Variants in FAM53C observed in about 807,000 individuals in gnomAD.
FAM53C encodes the protein family with sequence similarity 53 member C, also known as protein FAM53C.
In FAM53C, 10 loss-of-function variants were observed where a neutral mutation model predicts 34.7. The observed-to-expected ratio is 0.29, with a 90% CI of 0.18 to 0.49. The LOEUF (loss-of-function observed/expected upper bound fraction) is 0.49. Ranked by LOEUF, FAM53C falls within the 20% of genes least tolerant of loss-of-function variation. FAM53C has a pLI of 0.99. For synonymous variants in FAM53C, 203 were observed against 203.6 expected (o/e 1.00, Z 0.03); for missense variants, 442 against 515.3 (o/e 0.86, Z 1.38).
intron 1 of FAM53C, 94 bp downstream of exon 1, chr5:138,338,401 G>T (rs888423233): frequency 1.4e-5 from 5 of 350,986 alleles, no homozygotes; most frequent in African/African-American, 2.3e-5. Flanking sequence ...CAGCCCGACC[G>T]CCCGCGCGGC....
In FAM53C at chr5:138,345,074, G is replaced by T. The variant is rs151178605; in HGVS notation, c.386G>T (p.Arg129Leu). Residue 129 changes from arginine (R) to leucine (L), a missense_variant, in exon 4 of 5, where the codon CGC becomes CTC. By Grantham distance (102) the Arg-to-Leu change is moderately radical. Coordinates refer to ENST00000239906, the MANE Select transcript of FAM53C (RefSeq NM_016605.3). The surrounding 1 kb of genome is among the most constrained non-coding windows in gnomAD (Gnocchi z 6.3). ...RSLSVPVDLS[R>L]WQPVWRPAPS... ...CTCTCAGTGCCCGTGGACCTGTCTC[G>T]CTGGCAGCCGGTGTGGCGGCCCGCC... is the stretch of plus-strand genomic sequence containing the variant. 6.9e-5 allele frequency: 112 copies of T among 1,613,954 alleles called. No individual in the cohort carries two copies. Among genetic ancestry groups the T allele is most frequent in the African/African-American group, 5.7e-4 (43 of 75,038 alleles).
chr5:138,337,965 A>G (rs1281591799), upstream of FAM53C: 5 of 1,289,494 alleles, frequency 3.9e-6, no homozygotes, highest in Non-Finnish European at 5.1e-6. Context: ...CCTTCTTCCG[A>G]CATGGCCTCC....
chr5:138,337,982 G>A, upstream of FAM53C: 3 of 1,289,754 alleles, frequency 2.3e-6, no homozygotes, highest in Non-Finnish European at 3.0e-6. Flanking sequence ...CTCCCCCGCG[G>A]GTTTCAAGAT....
rs200104466 is a variant in FAM53C, at chr5:138,345,073, C to T, written c.385C>T (p.Arg129Cys). Reference protein sequence around the residue: ...RSLSVPVDLSRWQPVWRPAPS... With the variant: ...RSLSVPVDLSCWQPVWRPAPS... ...ACTCTCAGTGCCCGTGGACCTGTCTCGCTGGCAGCCGGTGTGGCGGCCCGC... is the reference window on the plus strand; with the variant it reads ...ACTCTCAGTGCCCGTGGACCTGTCTTGCTGGCAGCCGGTGTGGCGGCCCGC... Residue 129 changes from arginine (R) to cysteine (C), a missense_variant, in exon 4 of 5, where the codon CGC becomes TGC. Arg to Cys is a radical substitution (Grantham distance 180, BLOSUM62 -3). Coordinates refer to ENST00000239906, the MANE Select transcript of FAM53C (RefSeq NM_016605.3). This position sits in a 1 kb window ranked among gnomAD's most constrained non-coding sequence, Gnocchi z 6.3. 117 of 1,613,878 alleles carry T rather than the reference C, an allele frequency of 7.2e-5. No individual in the cohort carries two copies. Among genetic ancestry groups the T allele is most frequent in the Middle Eastern group, 3.3e-4 (2 of 6,084 alleles).
In FAM53C at chr5:138,347,193, A is replaced by T; in HGVS notation, c.*234A>T. ...GACAGCCCCAGAGCAGACCCTTCCT[A>T]TGGCGGCCCTGAGTGTGAGTATCCC... On this transcript the variant is annotated 3_prime_UTR_variant, in exon 5 of 5. Transcript: ENST00000239906. 1 of 577,374 alleles carries T rather than the reference A, an allele frequency of 1.7e-6. No homozygotes were observed. The highest frequency in any genetic ancestry group is 2.1e-5 in the South Asian group (1 of 48,454). 35.8% of individuals were successfully genotyped at this position (577,374 alleles called of 1,614,324 possible). A position where few individuals can be genotyped will look rare whatever the true frequency, so the allele number is the denominator to read the frequency against.
chr5:138,342,419 A>G (rs1426880840), intron 3 of FAM53C: 1 of 151,908 alleles, frequency 6.6e-6, no homozygotes, highest in Non-Finnish European at 1.5e-5. Flanking sequence ...ACTATATATT[A>G]TTTTGTACCT....
At chr5:138,337,794 G>T, upstream of FAM53C, 1 of 417,932 alleles carries the variant, frequency 2.4e-6, no homozygotes, top group Non-Finnish European at 4.2e-6. Context: ...CGGGTCCTTT[G>T]CTGGGGGAAG....
intron 2 of FAM53C, 87 bp from the exon 3 acceptor site, chr5:138,341,722 A>G: frequency 2.5e-6 from 3 of 1,187,342 alleles, no homozygotes; most frequent in Non-Finnish European, 3.8e-6. Flanking sequence ...TAGCTCATGA[A>G]TCGCAGAGGA....
chr5:138,341,554 C>G, intron 2 of FAM53C, 141 bp downstream of exon 2: 2 of 878,188 alleles, frequency 2.3e-6, no homozygotes, highest in Non-Finnish European at 3.7e-6. Context: ...GCTCAAAACC[C>G]AGCCCAAAAG....
Position 138,347,197 on chromosome 5 carries a change from C to T in FAM53C, c.*238C>T, listed in dbSNP as rs982812730. On this transcript the variant is annotated 3_prime_UTR_variant, in exon 5 of 5. Transcript: ENST00000239906. ...GCCCCAGAGCAGACCCTTCCTATGG[C>T]GGCCCTGAGTGTGAGTATCCCTGCC... 26 of 564,358 alleles carry T rather than the reference C, an allele frequency of 4.6e-5. No homozygotes were observed. The highest frequency in any genetic ancestry group is 4.0e-4 in the South Asian group (19 of 47,714). 35.0% of individuals were successfully genotyped at this position (564,358 alleles called of 1,614,324 possible). A position where few individuals can be genotyped will look rare whatever the true frequency, so the allele number is the denominator to read the frequency against.
At chr5:138,341,888 T>C (rs1385653953) in intron 3 of FAM53C, 22 bp downstream of exon 3, 1 of 1,609,304 alleles carries the variant, frequency 6.2e-7, no homozygotes, top group Non-Finnish European at 8.5e-7. Flanking sequence ...TGTGTGTTTG[T>C]GTACGTGTGT....
chr5:138,344,997 A>T lies in FAM53C; in HGVS notation c.309A>T (p.Pro103=), dbSNP rs756202945. The change falls in exon 4 of 5, where the codon CCA becomes CCT. Residue 103 remains proline, a synonymous_variant. Transcript: ENST00000239906. ...TCCTAAGACCTGAGCCCCCAGATCC[A>T]GAGAAGCTTCCTGTGCCCCCTGCCC... ...SQVLRPEPPD[P]EKLPVPPAPP... 5 of 1,613,734 alleles carry T rather than the reference A, an allele frequency of 3.1e-6. No individual in the cohort carries two copies. The highest frequency in any genetic ancestry group is 4.2e-6 in the Non-Finnish European group (5 of 1,179,816).
In FAM53C at chr5:138,345,444, C is replaced by T. The variant is rs146258068; in HGVS notation, c.756C>T (p.Pro252=). ...SRFLPSARSS[P]ASSPELPWRP... ...TCTTGCCCTCTGCCCGGAGCTCTCC[C>T]GCATCCTCCCCAGAGCTGCCCTGGC... Residue 252 remains proline, a synonymous_variant, in exon 4 of 5, where the codon CCC becomes CCT. Coordinates refer to ENST00000239906, the MANE Select transcript of FAM53C (RefSeq NM_016605.3). The surrounding 1 kb of genome is among the most constrained non-coding windows in gnomAD (Gnocchi z 6.3). The T allele has an allele frequency of 9.5e-5, 153 of 1,613,926 alleles. No homozygotes were observed. Among genetic ancestry groups the T allele is most frequent in the African/African-American group, 1.3e-4 (10 of 74,944 alleles).
At chr5:138,344,629 T>C (rs1761117850) in intron 3 of FAM53C, among the ~76,000 whole-genome samples, 196 bp from the exon 4 acceptor site, 1 of 152,218 alleles carries the variant, frequency 6.6e-6, no homozygotes, top group Non-Finnish European at 1.5e-5. Context: ...TTTGGTCTTT[T>C]GAGTGCTATG....
chr5:138,340,529 A>C (rs758471699), intron 1 of FAM53C, among the ~76,000 whole-genome samples: 4 of 152,270 alleles, frequency 2.6e-5, no homozygotes, highest in Non-Finnish European at 5.9e-5. Context: ...ACTTTGCATC[A>C]GATGAGGCTA....
intron 1 of FAM53C, among the ~76,000 whole-genome samples, chr5:138,338,832 T>C (rs1316598285): frequency 6.6e-6 from 1 of 152,236 alleles, no homozygotes; most frequent in Non-Finnish European, 1.5e-5. Context: ...TTTTCTTCAG[T>C]CTCCCCAGGA....
At chr5:138,343,045 CA>C in intron 3 of FAM53C, 1 of 147,280 alleles carries the variant, frequency 6.8e-6, no homozygotes, top group African/African-American at 2.5e-5. Flanking sequence ...AAACAAAAAA[CA>C]AAAAAAACTT....
At chr5:138,338,133 C>A (rs1309699541), upstream of FAM53C, 7 of 1,289,700 alleles carry the variant, frequency 5.4e-6, no homozygotes, top group Non-Finnish European at 7.1e-6. Context: ...GAGAGAGACA[C>A]GACACGGAGC....
Position 138,346,890 on chromosome 5 carries a change from G to A in FAM53C, c.1110G>A (p.Ala370=), listed in dbSNP as rs759345033. The change falls in exon 5 of 5, where the codon GCG becomes GCA. Residue 370 remains alanine (A), a synonymous_variant. Transcript: ENST00000239906. ...GGGCTGTGCGGTGGGGTCGGCAGGC[G>A]CTGAGCAAGCGGACACTGTGCCAGC... ...EEGAVRWGRQ[A]LSKRTLCQRD... is the part of the protein sequence containing the mutation. 16 of 1,614,024 alleles carry A rather than the reference G, an allele frequency of 9.9e-6. No individual in the cohort carries two copies. Among genetic ancestry groups the A allele is most frequent in the African/African-American group, 2.7e-5 (2 of 74,932 alleles).
Sources: allele counts gnomAD v4.1 joint callset (sites outside exome capture counted in the v4.1 genomes callset), GRCh38; gene constraint gnomAD v4.1.1; non-coding constraint Gnocchi (gnomAD v3.1); transcripts MANE v1.5; gene names NCBI Gene and HGNC (gene_info 2026-07-23, HGNC 2026-07-21).